Variants in COA6 observed in about 807,000 individuals in gnomAD.
COA6 encodes cytochrome c oxidase assembly factor 6.
COA6 carries 12 observed loss-of-function variants against 17.1 expected under a neutral mutation model. The observed-to-expected ratio is 0.70, with a 90% CI of 0.45 to 1.14. The LOEUF is 1.14. COA6 is among the 50% of genes most tolerant of loss of function. The pLI, the probability that COA6 is intolerant of heterozygous loss-of-function variation, is 0.00. For missense variants in COA6, 246 were observed against 196.5 expected (o/e 1.25, Z -1.51); for synonymous variants, 90 against 73.4 (o/e 1.23, Z -1.16).
intron 1 of COA6, 24 bp downstream of exon 1, chr1:234,373,702 T>A (rs1029087071): frequency 3.1e-6 from 5 of 1,613,244 alleles, no homozygotes; most frequent in Non-Finnish European, 8.5e-7. Flanking sequence ...TGGGTCCGGG[T>A]GGGGCGCGCG....
chr1:234,374,192 A>G lies in COA6; in HGVS notation c.213-38A>G, dbSNP rs1658713383. The G allele has an allele frequency of 4.5e-6, 7 of 1,572,606 alleles. No homozygotes were observed. In the East Asian group the frequency reaches 1.6e-4, roughly 35 times the overall value. ...TCCTTATCTTCTCTTCAGATTACAA[A>G]GTTCATTGTTAATCTCAAATATTAT... is the stretch of plus-strand genomic sequence containing the variant. On this transcript the variant is annotated intron_variant, in intron 1 of 2. Coordinates refer to ENST00000366615, the MANE Select transcript of COA6 (RefSeq NM_001206641.3).
chr1:234,383,062 G>A (rs1391235288), intron 2 of COA6, among the ~76,000 whole-genome samples: 1 of 133,594 alleles, frequency 7.5e-6, no homozygotes, highest in Admixed American at 7.4e-5. Flanking sequence ...GAGGGAGGGA[G>A]GGAGGGAAGG....
chr1:234,373,671 G>T lies in COA6; in HGVS notation c.205G>T (p.Ala69Ser). 1 of 1,612,940 alleles carries T rather than the reference G, an allele frequency of 6.2e-7. No homozygotes were observed. The highest frequency in any genetic ancestry group is 8.5e-7 in the Non-Finnish European group (1 of 1,179,184). The change falls in exon 1 of 3, where the codon GCA becomes TCA. Residue 69 changes from alanine to serine, a missense_variant. By Grantham distance (99) the Ala-to-Ser change is moderately conservative. Coordinates refer to ENST00000366615, the MANE Select transcript of COA6 (RefSeq NM_001206641.3). Reference sequence around the variant, plus strand: ...TCGAAAGGAAGCCGGACGTGGGCGGGCAGAGAGGTCGGCTTGCTGATGGGT... The same window carrying T: ...TCGAAAGGAAGCCGGACGTGGGCGGTCAGAGAGGTCGGCTTGCTGATGGGT... The part of the protein sequence containing the change: ...RHRKEAGRGR[A>S]ESFIAVGMAA...
rs1158866312 is a variant in COA6 at position 234,377,119 on chromosome 1, CTTTT to C, written c.372+2734_372+2737del. On this transcript the variant is annotated intron_variant, in intron 2 of 2. Transcript: ENST00000366615. ...GAGAGAGATCCAGTCTCTGTCTCCT[CTTTT>C]TTTGTTTTTTTTGTTGTTGTTGAGA... is the stretch of plus-strand genomic sequence containing the variant. 4.9e-5 allele frequency among the ~76,000 whole-genome samples: 2 copies of C among 40,862 alleles called. 1 individual carries two copies. Among genetic ancestry groups the C allele is most frequent in the Non-Finnish European group, 8.8e-5 (2 of 22,646 alleles). The allele number at this position is 40,862 out of a possible 152,430, so 26.8% of individuals were successfully genotyped here.
rs533073001 is a variant in COA6 at position 234,384,765 on chromosome 1, G to A, written c.*947G>A. Among the ~76,000 whole-genome samples the A allele has an allele frequency of 1.3e-5, 2 of 152,130 alleles. No homozygotes were observed. The highest frequency in any genetic ancestry group is 1.9e-4 in the East Asian group (1 of 5,176). ...GAAAATTTTTGGGAAAAGGAAAAAC[G>A]AGTAAAAATAATAAAAATTTAAAAA... On this transcript the variant is annotated 3_prime_UTR_variant, in exon 3 of 3. Transcript: ENST00000366615.
At chr1:234,373,816 A>G in intron 1 of COA6, 138 bp downstream of exon 1, 1 of 1,613,616 alleles carries the variant, frequency 6.2e-7, no homozygotes, top group South Asian at 1.1e-5. Flanking sequence ...TGTGGCCCCC[A>G]CACACCTGTT....
In COA6 at chr1:234,382,748, G is replaced by A. The variant is rs148984116; in HGVS notation, c.373-975G>A. On this transcript the variant is annotated intron_variant, in intron 2 of 2. Transcript: ENST00000366615. ...GTCCAGGCTCAGTGTGGTGGCTCAC[G>A]CCTGCCAGCGCTTTGGGAGGCCAAG... is the stretch of plus-strand genomic sequence containing the variant. Among the ~76,000 whole-genome samples, 241 of 152,230 alleles carry A rather than the reference G, an allele frequency of 1.6e-3. 1 individual carries two copies. Among genetic ancestry groups the A allele is most frequent in the African/African-American group, 5.6e-3 (232 of 41,546 alleles).
intron 2 of COA6, among the ~76,000 whole-genome samples, chr1:234,378,521 C>CT (rs1352808457): frequency 4.1e-4 from 63 of 152,318 alleles, no homozygotes; most frequent in East Asian, 2.3e-3. Flanking sequence ...AGTTAGGGAA[C>CT]AGATAGGCAG....
chr1:234,373,641 C>T lies in COA6; in HGVS notation c.175C>T (p.Arg59Ter), dbSNP rs775429573. 4 of 1,613,014 alleles carry T rather than the reference C, an allele frequency of 2.5e-6. No individual in the cohort carries two copies. Among genetic ancestry groups the T allele is most frequent in the Admixed American group, 1.7e-5 (1 of 59,990 alleles). ...LVACVTVSSR[R>*]HRKEAGRGRA... The stretch of plus-strand genomic sequence containing the variant: ...GGCCTGCGTGACAGTTTCCTCCCGT[C>T]GACATCGAAAGGAAGCCGGACGTGG... Residue 59 changes from arginine (R) to a stop codon, truncating the protein, a stop_gained, in exon 1 of 3, where the codon CGA becomes TGA. Transcript: ENST00000366615. LOFTEE classifies it high-confidence loss of function.
chr1:234,376,086 A>G (rs1386020688), intron 2 of COA6, among the ~76,000 whole-genome samples: 1 of 152,208 alleles, frequency 6.6e-6, no homozygotes, highest in Non-Finnish European at 1.5e-5. Flanking sequence ...GGACTCTATG[A>G]TTGAATTAGA....
chr1:234,374,992 T>C (rs1658749098), intron 2 of COA6, among the ~76,000 whole-genome samples: 1 of 152,124 alleles, frequency 6.6e-6, no homozygotes, highest in South Asian at 2.1e-4. Flanking sequence ...CAGTACCTGT[T>C]AAGATAGGTG....
intron 2 of COA6, among the ~76,000 whole-genome samples, chr1:234,376,168 G>C (rs1658785238): frequency 6.6e-6 from 1 of 152,126 alleles, no homozygotes; most frequent in Non-Finnish European, 1.5e-5. Context: ...AGGAACTCCA[G>C]GTTTAAGGAG....
chr1:234,373,935 T>C, intron 1 of COA6: 1 of 1,417,108 alleles, frequency 7.1e-7, no homozygotes, highest in Non-Finnish European at 9.6e-7. Flanking sequence ...CCTAAGCGAC[T>C]GGGACAGAAC....
intron 1 of COA6, 41 bp downstream of exon 1, chr1:234,373,719 A>G (rs781736278): frequency 1.2e-6 from 2 of 1,613,844 alleles, no homozygotes; most frequent in Non-Finnish European, 1.7e-6. Flanking sequence ...CGCGTGGACT[A>G]TGGGCCCGGG....
At chr1:234,382,118 G>C (rs1462445685) in intron 2 of COA6, among the ~76,000 whole-genome samples, 1 of 152,184 alleles carries the variant, frequency 6.6e-6, no homozygotes, top group Non-Finnish European at 1.5e-5. Flanking sequence ...TAGAAGTTTA[G>C]GGGAAGAATG....
intron 2 of COA6, among the ~76,000 whole-genome samples, chr1:234,378,762 A>C (rs1488524344): frequency 6.6e-6 from 1 of 152,124 alleles, no homozygotes; most frequent in Non-Finnish European, 1.5e-5. Flanking sequence ...AATCCCAACT[A>C]TTTGGGAGGC....
intron 2 of COA6, among the ~76,000 whole-genome samples, chr1:234,376,402 G>A (rs376285528): frequency 6.6e-6 from 1 of 152,144 alleles, no homozygotes; most frequent in Non-Finnish European, 1.5e-5. Context: ...AGGTCACTGC[G>A]TCCTAGTCAC....
chr1:234,375,037 C>T (rs1572170487), intron 2 of COA6, among the ~76,000 whole-genome samples: 2 of 151,910 alleles, frequency 1.3e-5, no homozygotes, highest in South Asian at 4.1e-4. Context: ...CGCCTGTAAT[C>T]CCAGCACTTT....
chr1:234,383,324 T>C (rs1351750246), intron 2 of COA6, among the ~76,000 whole-genome samples: 1 of 137,310 alleles, frequency 7.3e-6, no homozygotes, highest in Non-Finnish European at 1.5e-5. Context: ...CAATTCAAAA[T>C]GGTTCTAGAC....
Sources: gnomAD v4.1 joint callset for allele counts (sites outside exome capture counted in the v4.1 genomes callset) on GRCh38, gnomAD v4.1.1 for gene constraint, MANE v1.5 for transcripts, NCBI Gene and HGNC (gene_info 2026-07-23, HGNC 2026-07-21) for gene names.